The following CTNNA2 variants were observed in gnomAD, a reference collection of about 807,000 sequenced individuals.
CTNNA2 encodes the protein catenin alpha 2.
Under a neutral mutation model 101.0 loss-of-function variants are expected in CTNNA2, and 42 were observed. The ratio of observed to expected loss-of-function variants is 0.42; its 90% CI spans 0.32 to 0.54. The LOEUF is 0.54. Among genes scored for constraint, CTNNA2 ranks in the 20% least tolerant of loss-of-function variants. The pLI, the probability that CTNNA2 is intolerant of heterozygous loss-of-function variation, is 0.14. For missense variants in CTNNA2, 871 were observed against 1,223.1 expected (o/e 0.71, Z 4.29); for synonymous variants, 450 against 456.4 (o/e 0.99, Z 0.18).
chr2:79,933,835 T>G (rs1363350418), intron 7 of CTNNA2, among the ~76,000 whole-genome samples: 1 of 152,236 alleles, frequency 6.6e-6, no homozygotes, highest in African/African-American at 2.4e-5. Flanking sequence ...TTCATTTACC[T>G]GCATTAATGC....
At chr2:80,109,391 GT>G (rs1701076577) in intron 7 of CTNNA2, among the ~76,000 whole-genome samples, 1 of 152,256 alleles carries the variant, frequency 6.6e-6, no homozygotes, top group Admixed American at 6.5e-5. Context: ...AACCTGGGAG[GT>G]GGAGGTTGCA....
intron 3 of CTNNA2, among the ~76,000 whole-genome samples, chr2:79,364,852 T>A (rs1351469392): frequency 1.3e-5 from 2 of 152,218 alleles, no homozygotes; most frequent in Non-Finnish European, 2.9e-5. Flanking sequence ...AACTATTTCT[T>A]AACTTTTATT....
rs181178295 is a variant in CTNNA2 at position 80,523,710 on chromosome 2, G to A, written c.1291-21272G>A. On this transcript the variant is annotated intron_variant, in intron 9 of 18. Transcript: ENST00000402739. The stretch of plus-strand genomic sequence containing the variant: ...GGGGCTGGCGTCTGTTGTGTTCTCA[G>A]TATATTTCATGCTAAGGTTAATACA... Among the ~76,000 whole-genome samples, 140 of 152,264 alleles carry A rather than the reference G, an allele frequency of 9.2e-4. 1 individual carries two copies. Among genetic ancestry groups the A allele is most frequent in the African/African-American group, 3.3e-3 (137 of 41,546 alleles).
intron 7 of CTNNA2, among the ~76,000 whole-genome samples, chr2:79,999,804 A>C (rs1402269065): frequency 6.6e-6 from 1 of 152,212 alleles, no homozygotes; most frequent in Non-Finnish European, 1.5e-5. Context: ...GATGGGCATT[A>C]AGCAGTATTA....
intron 7 of CTNNA2, among the ~76,000 whole-genome samples, chr2:79,922,224 G>A (rs1686709516): frequency 1.3e-5 from 2 of 152,052 alleles, no homozygotes; most frequent in South Asian, 4.1e-4. Context: ...GACCTTTGGA[G>A]GCCAATATTT....
At chr2:79,584,977 G>A (rs892859146) in intron 1 of CTNNA2, among the ~76,000 whole-genome samples, 1 of 152,314 alleles carries the variant, frequency 6.6e-6, no homozygotes, top group African/African-American at 2.4e-5. Context: ...TTGGGGAAAA[G>A]TGTTCCTACT....
At chr2:80,169,236 A>G (rs72926658) in intron 7 of CTNNA2, among the ~76,000 whole-genome samples, 5,512 of 152,244 alleles carry the variant, frequency 0.036, 325 homozygotes, top group African/African-American at 0.12. Flanking sequence ...TGTGTGACTC[A>G]AGCCTGGACA....
intron 7 of CTNNA2, among the ~76,000 whole-genome samples, chr2:80,359,456 T>G (rs772353546): frequency 1.3e-5 from 2 of 152,152 alleles, no homozygotes; most frequent in African/African-American, 2.4e-5. Context: ...TGGGAGGTGA[T>G]TGGATCATGG....
chr2:79,628,443 A>T (rs1679465077), intron 1 of CTNNA2, among the ~76,000 whole-genome samples: 1 of 150,248 alleles, frequency 6.7e-6, no homozygotes, highest in Non-Finnish European at 1.5e-5. Flanking sequence ...ACAGAATGAG[A>T]CTGTCAAAAA....
chr2:80,066,056 C>G (rs1271630992), intron 7 of CTNNA2, among the ~76,000 whole-genome samples: 1 of 152,146 alleles, frequency 6.6e-6, no homozygotes, highest in East Asian at 1.9e-4. Context: ...CTGTGGTAGC[C>G]AGTGTTCAGG....
At chr2:79,307,204 C>T (rs1357847577) in intron 2 of CTNNA2, among the ~76,000 whole-genome samples, 1 of 152,082 alleles carries the variant, frequency 6.6e-6, no homozygotes, top group Non-Finnish European at 1.5e-5. Flanking sequence ...ATGAGCATAT[C>T]CATCATCTCA....
intron 3 of CTNNA2, among the ~76,000 whole-genome samples, chr2:79,776,238 TAATA>T (rs139572065): frequency 0.023 from 3,451 of 152,288 alleles, 140 homozygotes; most frequent in African/African-American, 0.077. Context: ...GATTGGTGTC[TAATA>T]AATTCCAACC....
chr2:80,245,984 C>T (rs927849041), intron 7 of CTNNA2, among the ~76,000 whole-genome samples: 13 of 151,588 alleles, frequency 8.6e-5, no homozygotes, highest in Admixed American at 5.3e-4. Flanking sequence ...TTAGTAGAGA[C>T]GGGGTGTCAC....
intron 7 of CTNNA2, among the ~76,000 whole-genome samples, chr2:80,138,042 A>G (rs1033567660): frequency 2.0e-5 from 3 of 152,160 alleles, no homozygotes; most frequent in Non-Finnish European, 2.9e-5. Flanking sequence ...TGTGGAAAAT[A>G]AAGAAAAATT....
intron 1 of CTNNA2, among the ~76,000 whole-genome samples, chr2:79,529,508 G>T (rs886661084): frequency 6.6e-6 from 1 of 152,050 alleles, no homozygotes; most frequent in African/African-American, 2.4e-5. Flanking sequence ...GGAGGTGACA[G>T]TTATAGCTGT....
At chr2:80,598,163 G>A (rs1314469102) in intron 15 of CTNNA2, among the ~76,000 whole-genome samples, 1 of 152,116 alleles carries the variant, frequency 6.6e-6, no homozygotes, top group Non-Finnish European at 1.5e-5. Context: ...GCAGGGACAT[G>A]GATGAAGCTG....
intron 1 of CTNNA2, among the ~76,000 whole-genome samples, chr2:79,580,756 C>G (rs1457964201): frequency 6.6e-6 from 1 of 151,948 alleles, no homozygotes; most frequent in Non-Finnish European, 1.5e-5. Flanking sequence ...TGAAGAAGAC[C>G]AAAGCTCTGG....
chr2:79,986,644 T>C (rs1691784053), intron 7 of CTNNA2, among the ~76,000 whole-genome samples: 2 of 152,180 alleles, frequency 1.3e-5, no homozygotes, highest in African/African-American at 4.8e-5. Flanking sequence ...ATCTTCTCCC[T>C]GCCTAGGCCT....
chr2:79,555,272 C>G (rs1674371215), intron 1 of CTNNA2, among the ~76,000 whole-genome samples: 1 of 152,134 alleles, frequency 6.6e-6, no homozygotes, highest in African/African-American at 2.4e-5. Flanking sequence ...AGGCCATACA[C>G]TGGAATATAG....
Sources: gnomAD v4.1 joint callset for allele counts (sites outside exome capture counted in the v4.1 genomes callset) on GRCh38, gnomAD v4.1.1 for gene constraint, MANE v1.5 for transcripts, NCBI Gene and HGNC (gene_info 2026-07-23, HGNC 2026-07-21) for gene names.